Variants in C8orf34 observed in about 807,000 individuals in gnomAD.
C8orf34 encodes uncharacterized protein C8orf34.
Under a neutral mutation model 68.3 loss-of-function variants are expected in C8orf34, and 65 were observed. The ratio of observed to expected loss-of-function variants is 0.95; its 90% CI spans 0.78 to 1.17. C8orf34 has a LOEUF of 1.17. Ranked by LOEUF, C8orf34 falls within the 50% of genes most tolerant of loss-of-function variation. The pLI, the probability that C8orf34 is intolerant of heterozygous loss-of-function variation, is 0.00. For synonymous variants in C8orf34, 244 were observed against 241.2 expected (o/e 1.01, Z -0.11); for missense variants, 664 against 655.4 (o/e 1.01, Z -0.14).
Position 68,756,216 on chromosome 8 carries a change from C to T in C8orf34, c.1405-20183C>T, listed in dbSNP as rs1361550663. ...ACAGTACCCTGGCACAGAATGTGTG[C>T]TTGAATGAGGAAACAGGATTCAGGG... On this transcript the variant is annotated intron_variant, in intron 10 of 13. Transcript: ENST00000518698. 2.6e-5 allele frequency among the ~76,000 whole-genome samples: 4 copies of T among 152,204 alleles called. No homozygotes were observed. The East Asian group carries it at 5.8e-4, about 22-fold the overall frequency.
chr8:68,627,207 T>C (rs1818562137), intron 7 of C8orf34, among the ~76,000 whole-genome samples: 1 of 152,116 alleles, frequency 6.6e-6, no homozygotes, highest in Non-Finnish European at 1.5e-5. Flanking sequence ...CTCTGAACGT[T>C]CTGCCTGACT....
At chr8:68,331,497 C>A in intron 1 of C8orf34, 158 bp downstream of exon 1, 1 of 830,040 alleles carries the variant, frequency 1.2e-6, no homozygotes, top group Non-Finnish European at 1.9e-6. Flanking sequence ...TTCGCTCTGT[C>A]CCGGCCAGGT....
chr8:68,433,162 C>T (rs1391616027), intron 1 of C8orf34, among the ~76,000 whole-genome samples: 1 of 151,958 alleles, frequency 6.6e-6, no homozygotes, highest in Non-Finnish European at 1.5e-5. Flanking sequence ...TTTGGAAGGC[C>T]GTGATCTCAA....
chr8:68,577,588 A>G (rs1163287184), intron 7 of C8orf34, among the ~76,000 whole-genome samples: 1 of 151,894 alleles, frequency 6.6e-6, no homozygotes, highest in African/African-American at 2.4e-5. Flanking sequence ...TGTAGATAGC[A>G]CTCATTTGTG....
chr8:68,749,533 A>G (rs539042041), intron 10 of C8orf34, among the ~76,000 whole-genome samples: 7 of 151,540 alleles, frequency 4.6e-5, no homozygotes, highest in African/African-American at 1.7e-4. Context: ...AACCATCATC[A>G]TAATGCAGTT....
chr8:68,739,088 C>T (rs1822205162), intron 10 of C8orf34, among the ~76,000 whole-genome samples: 1 of 152,026 alleles, frequency 6.6e-6, no homozygotes, highest in South Asian at 2.1e-4. Context: ...CATCAAAAAG[C>T]TTACCACAAT....
At chr8:68,776,683 C>T (rs1414838581) in intron 11 of C8orf34, among the ~76,000 whole-genome samples, 3 of 152,074 alleles carry the variant, frequency 2.0e-5, no homozygotes, top group Non-Finnish European at 2.9e-5. Flanking sequence ...AGTAAAACTG[C>T]GTAAACCTGG....
At chr8:68,472,569 T>A (rs759868301) in intron 4 of C8orf34, among the ~76,000 whole-genome samples, 12 of 152,266 alleles carry the variant, frequency 7.9e-5, no homozygotes, top group Non-Finnish European at 1.3e-4. Context: ...AAGGCCATCT[T>A]AGAATTCTGC....
chr8:68,521,740 T>C, intron 5 of C8orf34, 59 bp from the exon 6 acceptor site: 3 of 1,462,718 alleles, frequency 2.1e-6, no homozygotes, highest in South Asian at 2.6e-5. Flanking sequence ...TTTATTTCCC[T>C]GTTGTCCTGT....
intron 1 of C8orf34, among the ~76,000 whole-genome samples, chr8:68,419,328 A>G (rs1400465205): frequency 6.1e-5 from 9 of 147,914 alleles, no homozygotes; most frequent in Admixed American, 6.0e-4. Flanking sequence ...TCAGGAAACA[A>G]CAGGTGCTGG....
intron 10 of C8orf34, among the ~76,000 whole-genome samples, chr8:68,738,387 C>A (rs1279963785): frequency 6.6e-6 from 1 of 151,768 alleles, no homozygotes. Flanking sequence ...GCAAATAGAA[C>A]AACTAGAGAA....
chr8:68,632,388 A>G (rs1818715986), intron 7 of C8orf34, among the ~76,000 whole-genome samples: 1 of 152,180 alleles, frequency 6.6e-6, no homozygotes, highest in South Asian at 2.1e-4. Flanking sequence ...GTGTATGCCC[A>G]TATTCGTTCA....
chr8:68,735,849 A>G (rs1822107905), intron 10 of C8orf34, among the ~76,000 whole-genome samples: 1 of 152,118 alleles, frequency 6.6e-6, no homozygotes, highest in Admixed American at 6.6e-5. Flanking sequence ...GTAAAACACC[A>G]AATTTCCTCT....
At chr8:68,691,177 A>C (rs1314880453) in intron 8 of C8orf34, among the ~76,000 whole-genome samples, 1 of 151,982 alleles carries the variant, frequency 6.6e-6, no homozygotes, top group Non-Finnish European at 1.5e-5. Flanking sequence ...TGCTTTATTG[A>C]GCTGTGAAGA....
At chr8:68,577,374 G>T (rs1243008112) in intron 7 of C8orf34, among the ~76,000 whole-genome samples, 2 of 151,874 alleles carry the variant, frequency 1.3e-5, no homozygotes, top group Admixed American at 6.6e-5. Flanking sequence ...TCATATAGGT[G>T]CTGATATTTA....
At chr8:68,660,101 G>C (rs988030863) in intron 8 of C8orf34, among the ~76,000 whole-genome samples, 1 of 152,156 alleles carries the variant, frequency 6.6e-6, no homozygotes, top group African/African-American at 2.4e-5. Context: ...TCCAAGGGGA[G>C]TGTCTGTGGT....
chr8:68,435,994 G>C (rs2129625328), intron 1 of C8orf34, among the ~76,000 whole-genome samples: 1 of 152,266 alleles, frequency 6.6e-6, no homozygotes, highest in East Asian at 1.9e-4. Flanking sequence ...GATAACTTGA[G>C]GTCAGAAGTT....
At chr8:68,750,217 C>T (rs1165752841) in intron 10 of C8orf34, among the ~76,000 whole-genome samples, 1 of 152,026 alleles carries the variant, frequency 6.6e-6, no homozygotes, top group Non-Finnish European at 1.5e-5. Context: ...CTGTAAATAA[C>T]CCAACATACA....
chr8:68,539,649 C>T (rs1233714134), intron 7 of C8orf34, among the ~76,000 whole-genome samples: 2 of 151,938 alleles, frequency 1.3e-5, no homozygotes, highest in Admixed American at 6.6e-5. Context: ...GTCAGGAGTT[C>T]GAGACCAGCC....
Sources: gnomAD v4.1 joint callset for allele counts (sites outside exome capture counted in the v4.1 genomes callset) on GRCh38, gnomAD v4.1.1 for gene constraint, MANE v1.5 for transcripts, NCBI Gene and HGNC (gene_info 2026-07-23, HGNC 2026-07-21) for gene names.